NAA16: variants seen among roughly 807,000 people sequenced by gnomAD.
NAA16 encodes NARG1-like protein.
In NAA16, 97 loss-of-function variants were observed where a neutral mutation model predicts 110.3. The ratio of observed to expected loss-of-function variants is 0.88; its 90% CI spans 0.75 to 1.04. The LOEUF is 1.04. NAA16 is among the 50% of genes least tolerant of loss of function. The pLI is 0.00. For synonymous variants in NAA16, 372 were observed against 330.6 expected, an observed-to-expected ratio of 1.13 and a Z score of -1.36; for missense variants, 1,017 against 1,005.1, an observed-to-expected ratio of 1.01 and a Z score of -0.16.
chr13:41,374,868 G>T (rs1450274518), intron 19 of NAA16, 29 bp downstream of exon 19: 1 of 1,345,990 alleles, frequency 7.4e-7, no homozygotes, highest in African/African-American at 1.5e-5. Context: ...GCTGATTTAT[G>T]CTTACACAGT....
At chr13:41,320,897 G>A (rs1231180406) in intron 4 of NAA16, 73 bp downstream of exon 4, 3 of 1,391,902 alleles carry the variant, frequency 2.2e-6, no homozygotes, top group Non-Finnish European at 2.9e-6. Flanking sequence ...TTCAGAATGA[G>A]GTGAGCATAA....
chr13:41,370,519 G>C (rs1033497414), intron 15 of NAA16, among the ~76,000 whole-genome samples: 1 of 152,168 alleles, frequency 6.6e-6, no homozygotes, highest in Non-Finnish European at 1.5e-5. Flanking sequence ...TAACCCCTGA[G>C]CCTTGAAGGG....
At chr13:41,361,749 A>G (rs1157119430) in intron 12 of NAA16, among the ~76,000 whole-genome samples, 2 of 152,224 alleles carry the variant, frequency 1.3e-5, no homozygotes, top group African/African-American at 4.8e-5. Context: ...CACAGTATTC[A>G]GAATGGCATG....
At chr13:41,334,955 A>G (rs2042339464) in intron 8 of NAA16, among the ~76,000 whole-genome samples, 1 of 152,154 alleles carries the variant, frequency 6.6e-6, no homozygotes, top group African/African-American at 2.4e-5. Context: ...GGATTGATGG[A>G]TTGCTGCGCA....
At chr13:41,313,404 G>T (rs922454796) in intron 1 of NAA16, among the ~76,000 whole-genome samples, 1 of 152,124 alleles carries the variant, frequency 6.6e-6, no homozygotes, top group Non-Finnish European at 1.5e-5. Context: ...TTCTGACAAG[G>T]TTGCGTGAAT....
At chr13:41,334,913 C>T (rs1256961943) in intron 8 of NAA16, among the ~76,000 whole-genome samples, 1 of 152,284 alleles carries the variant, frequency 6.6e-6, no homozygotes, top group South Asian at 2.1e-4. Flanking sequence ...GTCACCCCCC[C>T]CACTGTGCTT....
rs142382701 is a variant in NAA16, at chr13:41,355,211, C to T, written c.1082C>T (p.Pro361Leu). 9.6e-5 allele frequency: 150 copies of T among 1,568,308 alleles called. No homozygotes were observed. Among genetic ancestry groups the T allele is most frequent in the Non-Finnish European group, 1.2e-4 (141 of 1,151,096 alleles). The change falls in exon 10 of 20, where the codon CCA becomes CTA. Residue 361 changes from proline to leucine, a missense_variant. Pro to Leu is a moderately conservative substitution (Grantham distance 98). Transcript: ENST00000379406. ...CTTAAAACGTGTGACTTTTTTAGCC[C>T]ATATGGTAAGTTTAAATTAGATTGA... ...ASLKTCDFFS[P>L]YENGEKEPPT...
intron 17 of NAA16, 34 bp downstream of exon 17, chr13:41,372,864 G>A (rs2043349980): frequency 6.8e-7 from 1 of 1,471,288 alleles, no homozygotes; most frequent in Non-Finnish European, 9.1e-7. Context: ...TTACATTTGT[G>A]AATTATTTCT....
At chr13:41,317,020 G>A in intron 2 of NAA16, 90 bp downstream of exon 2, 1 of 899,156 alleles carries the variant, frequency 1.1e-6, no homozygotes, top group Non-Finnish European at 1.8e-6. Context: ...CCGATTCCAG[G>A]GCCTTGCAGT....
chr13:41,333,770 A>G (rs1045248911), intron 8 of NAA16, among the ~76,000 whole-genome samples: 1 of 152,006 alleles, frequency 6.6e-6, no homozygotes. Context: ...CATAGACAAT[A>G]TAAGTTTACT....
intron 9 of NAA16, among the ~76,000 whole-genome samples, chr13:41,346,458 C>T (rs916989631): frequency 2.0e-5 from 3 of 152,284 alleles, no homozygotes; most frequent in South Asian, 2.1e-4. Context: ...GTCCTAGAGA[C>T]GAGGCATGCT....
chr13:41,358,469 A>G lies in NAA16; in HGVS notation c.1253A>G (p.Tyr418Cys), dbSNP rs112381779. 2.0e-5 allele frequency: 33 copies of G among 1,613,178 alleles called. 1 individual carries two copies. In the African/African-American group the frequency reaches 2.9e-4, roughly 14 times the overall value. Residue 418 changes from tyrosine (Y) to cysteine (C), a missense_variant, in exon 11 of 20, where the codon TAC becomes TGC. Tyr to Cys is a radical substitution (Grantham distance 194). Coordinates refer to ENST00000379406, the MANE Select transcript of NAA16 (RefSeq NM_024561.5). ...TTATTCTATATGAAAGCAAAAATTT[A>G]CAAGGTAAAATCTGAATCCTGTTTT... ...IELFYMKAKI[Y>C]KHIGNLKEAA... is the part of the protein sequence containing the mutation.
At position 41,376,998 on chromosome 13, in the gene NAA16, A is replaced by G. The variant is rs1267414365; in HGVS notation, c.*1396A>G. ...TCGCTGTAAAATAATGCCAACCTAG[A>G]TAATGCTATAATAAATTATTTTGTA... On this transcript the variant is annotated 3_prime_UTR_variant, in exon 20 of 20. Coordinates refer to ENST00000379406, the MANE Select transcript of NAA16 (RefSeq NM_024561.5). 6.6e-6 allele frequency: 1 copy of G among 152,170 alleles called. No homozygotes were observed. Among genetic ancestry groups the G allele is most frequent in the Non-Finnish European group, 1.5e-5 (1 of 68,012 alleles). 9.4% of individuals were successfully genotyped at this position (152,170 alleles called of 1,614,324 possible). A position where few individuals can be genotyped will look rare whatever the true frequency, so the allele number is the denominator to read the frequency against.
At chr13:41,367,399 CAT>C in intron 13 of NAA16, 38 bp from the exon 14 acceptor site, 1 of 1,395,702 alleles carries the variant, frequency 7.2e-7, no homozygotes. Context: ...ACATTATTGA[CAT>C]AAATGTAAAG....
chr13:41,366,153 C>G (rs1443328014), intron 13 of NAA16, among the ~76,000 whole-genome samples: 2 of 152,098 alleles, frequency 1.3e-5, no homozygotes, highest in Non-Finnish European at 2.9e-5. Context: ...TCAATTACAA[C>G]ATCATTAAAG....
At chr13:41,372,481 C>T (rs975289108) in intron 16 of NAA16, 170 bp downstream of exon 16, 13 of 984,872 alleles carry the variant, frequency 1.3e-5, no homozygotes, top group East Asian at 1.1e-4. Context: ...TAGAATAGTA[C>T]TATCAAATCC....
chr13:41,362,267 G>T, intron 13 of NAA16, 108 bp downstream of exon 13: 1 of 1,242,438 alleles, frequency 8.0e-7, no homozygotes, highest in Non-Finnish European at 1.1e-6. Flanking sequence ...GAGCTTCATT[G>T]TGAAAAAAAT....
intron 12 of NAA16, among the ~76,000 whole-genome samples, chr13:41,361,550 C>CT (rs1165089395): frequency 6.6e-6 from 1 of 152,260 alleles, no homozygotes; most frequent in East Asian, 1.9e-4. Context: ...AATTTGGAGT[C>CT]TTTTTTATGA....
intron 2 of NAA16, among the ~76,000 whole-genome samples, 171 bp from the exon 3 acceptor site, chr13:41,318,635 A>G (rs1031418305): frequency 4.6e-5 from 7 of 152,256 alleles, no homozygotes; most frequent in African/African-American, 1.7e-4. Context: ...TTAAGTAAAT[A>G]TTTAAATGTA....
Sources: allele counts gnomAD v4.1 joint callset (sites outside exome capture counted in the v4.1 genomes callset), GRCh38; gene constraint gnomAD v4.1.1; transcripts MANE v1.5; gene names NCBI Gene and HGNC (gene_info 2026-07-23, HGNC 2026-07-21).